MAP2K5: variants seen among roughly 807,000 people sequenced by gnomAD.
MAP2K5 encodes dual specificity mitogen-activated protein kinase kinase 5.
A neutral mutation model predicts 83.1 loss-of-function variants in MAP2K5; 49 were observed. The observed-to-expected ratio is 0.59, with a 90% CI of 0.47 to 0.75. MAP2K5 has a LOEUF of 0.75. Among genes scored for constraint, MAP2K5 ranks in the 30% least tolerant of loss-of-function variants. The pLI is 0.00. For missense variants in MAP2K5, 457 were observed against 557.5 expected, an observed-to-expected ratio of 0.82 and a Z score of 1.82; for synonymous variants, 202 against 191.8, an observed-to-expected ratio of 1.05 and a Z score of -0.44.
At position 67,770,521 on chromosome 15, in the gene MAP2K5, G is replaced by A. The variant is rs556132791; in HGVS notation, c.1196+858G>A. On this transcript the variant is annotated intron_variant, in intron 20 of 21. Coordinates refer to ENST00000178640, the MANE Select transcript of MAP2K5 (RefSeq NM_145160.3). This position sits in a 1 kb window ranked among gnomAD's most constrained non-coding sequence, Gnocchi z 5.0. ...CTCAAAGCAGGAGACAAAACCAACC[G>A]CAACTCCTTCTTAACTACGTTGGTC... is the stretch of plus-strand genomic sequence containing the variant. Among the ~76,000 whole-genome samples, 2 of 152,222 alleles carry A rather than the reference G, an allele frequency of 1.3e-5. No homozygotes were observed. Among genetic ancestry groups the A allele is most frequent in the African/African-American group, 4.8e-5 (2 of 41,534 alleles).
chr15:67,629,591 TA>T (rs1224424813), intron 8 of MAP2K5, among the ~76,000 whole-genome samples: 2 of 152,098 alleles, frequency 1.3e-5, no homozygotes, highest in African/African-American at 4.8e-5. Context: ...AGGGGAAGTT[TA>T]GGGGCTCATT....
chr15:67,560,912 CT>C (rs893675104), intron 2 of MAP2K5, among the ~76,000 whole-genome samples: 3 of 152,096 alleles, frequency 2.0e-5, no homozygotes, highest in South Asian at 2.1e-4. Flanking sequence ...GTGCCCCCCC[CT>C]TTTTTTAAAT....
At chr15:67,787,149 C>T (rs530115363) in intron 21 of MAP2K5, among the ~76,000 whole-genome samples, 3 of 152,228 alleles carry the variant, frequency 2.0e-5, no homozygotes, top group African/African-American at 7.2e-5. Context: ...GGGCGGACAA[C>T]AGGACTGATT....
At chr15:67,687,065 A>G (rs1050255252) in intron 13 of MAP2K5, among the ~76,000 whole-genome samples, 3 of 152,244 alleles carry the variant, frequency 2.0e-5, no homozygotes, top group Non-Finnish European at 4.4e-5. Flanking sequence ...GTAGACATTC[A>G]TCAGACTCAT....
chr15:67,627,268 A>G (rs1177601957), intron 8 of MAP2K5, among the ~76,000 whole-genome samples: 4 of 152,164 alleles, frequency 2.6e-5, no homozygotes, highest in Admixed American at 6.5e-5. Context: ...TTTTATAAGT[A>G]GTATTTAGAA....
At chr15:67,669,292 C>T (rs575801213) in intron 13 of MAP2K5, among the ~76,000 whole-genome samples, 3 of 151,954 alleles carry the variant, frequency 2.0e-5, no homozygotes, top group South Asian at 2.1e-4. Flanking sequence ...AAGTAAAATA[C>T]GGAGTGTGTT....
chr15:67,554,222 C>T (rs894514867), intron 2 of MAP2K5, among the ~76,000 whole-genome samples: 1 of 152,060 alleles, frequency 6.6e-6, no homozygotes, highest in East Asian at 1.9e-4. Context: ...ACTACACTGG[C>T]TAACTTTTGT....
intron 8 of MAP2K5, chr15:67,628,875 G>T (rs1236761711): frequency 2.7e-6 from 2 of 749,064 alleles, no homozygotes; most frequent in African/African-American, 3.4e-5. Context: ...GGTGATGGTG[G>T]ATATGGCGGC....
intron 11 of MAP2K5, among the ~76,000 whole-genome samples, chr15:67,648,944 G>T (rs2086895667): frequency 6.6e-6 from 1 of 152,148 alleles, no homozygotes; most frequent in Non-Finnish European, 1.5e-5. Flanking sequence ...GTAGCTTTAT[G>T]TTTAACTTTT....
chr15:67,545,097 T>C (rs193247705), intron 1 of MAP2K5, among the ~76,000 whole-genome samples: 2 of 152,314 alleles, frequency 1.3e-5, no homozygotes, highest in Admixed American at 1.3e-4. Flanking sequence ...TTCTCCCAGG[T>C]GTCCAGGCTG....
chr15:67,748,079 A>G lies in MAP2K5; in HGVS notation c.1075-152A>G, dbSNP rs2089642862. On this transcript the variant is annotated intron_variant, in intron 17 of 21. Coordinates refer to ENST00000178640, the MANE Select transcript of MAP2K5 (RefSeq NM_145160.3). This position sits in a 1 kb window ranked among gnomAD's most constrained non-coding sequence, Gnocchi z 4.0. ...TTCGCCTATAAATGAGAAGCGAGCT[A>G]TTAACATTTGTGTATTTTCATTATG... 12 of 582,942 alleles carry G rather than the reference A, an allele frequency of 2.1e-5. No individual in the cohort carries two copies. Among genetic ancestry groups the G allele is most frequent in the South Asian group, 5.3e-5 (2 of 37,644 alleles). 36.1% of individuals were successfully genotyped at this position (582,942 alleles called of 1,614,324 possible).
At chr15:67,601,877 C>T (rs889978135) in intron 8 of MAP2K5, among the ~76,000 whole-genome samples, 1 of 152,182 alleles carries the variant, frequency 6.6e-6, no homozygotes, top group Admixed American at 6.5e-5. Context: ...GCAGATACAG[C>T]CAAGATGTGA....
chr15:67,547,229 CA>C (rs990780578), intron 1 of MAP2K5, among the ~76,000 whole-genome samples: 2 of 152,014 alleles, frequency 1.3e-5, no homozygotes, highest in African/African-American at 4.8e-5. Flanking sequence ...ACTAGTCTTT[CA>C]GGTTTGTCTT....
intron 15 of MAP2K5, among the ~76,000 whole-genome samples, chr15:67,703,053 A>C (rs1482615966): frequency 6.6e-6 from 1 of 152,068 alleles, no homozygotes. Flanking sequence ...AAATTACCTC[A>C]CTACTCTGAG....
intron 19 of MAP2K5, among the ~76,000 whole-genome samples, chr15:67,754,459 C>T (rs1193916322): frequency 5.3e-5 from 8 of 152,126 alleles, no homozygotes; most frequent in Non-Finnish European, 1.5e-5. Flanking sequence ...TATTGAGCTC[C>T]TCCTTGGGCT....
At chr15:67,556,817 T>C (rs2084637212) in intron 2 of MAP2K5, among the ~76,000 whole-genome samples, 1 of 152,216 alleles carries the variant, frequency 6.6e-6, no homozygotes. Flanking sequence ...CCTCCCAAAG[T>C]GCTGGCATTA....
Position 67,692,619 on chromosome 15 carries a change from C to T in MAP2K5, c.921+67C>T, listed in dbSNP as rs775346645. The T allele has an allele frequency of 4.0e-6, 5 of 1,265,596 alleles. No homozygotes were observed. In the Admixed American group the frequency reaches 7.5e-5, roughly 19 times the overall value. The allele number at this position is 1,265,596 out of a possible 1,614,324, so 78.4% of individuals were successfully genotyped here. A position where few individuals can be genotyped will look rare whatever the true frequency, so the allele number is the denominator to read the frequency against. ...AACCCCTTTATATTTTCATTCTGTT[C>T]TCTGGATTGAAAAATCACCTAGCTG... On this transcript the variant is annotated intron_variant, in intron 14 of 21. Coordinates refer to ENST00000178640, the MANE Select transcript of MAP2K5 (RefSeq NM_145160.3).
At position 67,641,290 on chromosome 15, in the gene MAP2K5, G is replaced by C. The variant is rs187110449; in HGVS notation, c.586-4941G>C. Reference sequence around the variant, plus strand: ...AAACTAGCATTTAAATGGACCATTTGATTAATCATTTGTATACTGACTATA... The same window carrying C: ...AAACTAGCATTTAAATGGACCATTTCATTAATCATTTGTATACTGACTATA... On this transcript the variant is annotated intron_variant, in intron 9 of 21. Transcript: ENST00000178640. Among the ~76,000 whole-genome samples, 5 of 152,238 alleles carry C rather than the reference G, an allele frequency of 3.3e-5. No homozygotes were observed. The East Asian group carries it at 9.6e-4, about 29-fold the overall frequency.
intron 7 of MAP2K5, among the ~76,000 whole-genome samples, chr15:67,593,296 T>G (rs1399012952): frequency 6.6e-6 from 1 of 152,220 alleles, no homozygotes; most frequent in Non-Finnish European, 1.5e-5. Context: ...TTTCTTTCAT[T>G]ATCTTTGGGG....
Sources: allele counts gnomAD v4.1 joint callset (sites outside exome capture counted in the v4.1 genomes callset), GRCh38; gene constraint gnomAD v4.1.1; non-coding constraint Gnocchi (gnomAD v3.1); transcripts MANE v1.5; gene names NCBI Gene and HGNC (gene_info 2026-07-23, HGNC 2026-07-21).